The following HELLS variants were observed in gnomAD, a reference collection of about 807,000 sequenced individuals.
The protein encoded by HELLS is lymphoid-specific helicase.
In HELLS, 32 loss-of-function variants were observed where a neutral mutation model predicts 120.0. That is an observed-to-expected ratio of 0.27 (90% CI 0.20 to 0.36). HELLS has a LOEUF of 0.36. Among genes scored for constraint, HELLS ranks in the 10% least tolerant of loss-of-function variants. The probability of loss-of-function intolerance (pLI) is 1.00; values close to 1 mark genes in which losing one functional copy is unlikely to be tolerated. For missense variants in HELLS, 650 were observed against 993.4 expected (o/e 0.65, Z 4.65); for synonymous variants, 341 against 323.4 (o/e 1.05, Z -0.58).
chr10:94,612,007 A>T (rs1252330136), exon 10 of HELLS: 1 of 152,136 alleles, frequency 6.6e-6, no homozygotes, highest in Non-Finnish European at 1.5e-5. Flanking sequence ...TACATTGCAG[A>T]TTATCTTATG....
intron 21 of HELLS, among the ~76,000 whole-genome samples, chr10:94,600,760 T>A (rs1018715201): frequency 5.3e-5 from 8 of 152,200 alleles, no homozygotes; most frequent in African/African-American, 1.7e-4. Flanking sequence ...ATTTATGATT[T>A]TAGAATTAGA....
chr10:94,599,715 A>G (rs1845934725), intron 21 of HELLS, among the ~76,000 whole-genome samples: 1 of 152,218 alleles, frequency 6.6e-6, no homozygotes, highest in African/African-American at 2.4e-5. Context: ...TTAAAATAGA[A>G]TTTAAGAAGA....
In HELLS at chr10:94,602,019, C is replaced by G. The variant is rs1048196; in HGVS notation, c.*397C>G. 2 of 152,932 alleles carry G rather than the reference C, an allele frequency of 1.3e-5. No homozygotes were observed. The highest frequency in any genetic ancestry group is 2.4e-5 in the African/African-American group (1 of 41,340). The allele number at this position is 152,932 out of a possible 1,614,324, so 9.5% of individuals were successfully genotyped here. On this transcript the variant is annotated 3_prime_UTR_variant, in exon 22 of 22. Coordinates refer to ENST00000348459, the MANE Select transcript of HELLS (RefSeq NM_018063.5). ...CATGGGGAGAGATTGGGATTATGCT[C>G]TCTGTTGTTTAAGAAACTGTTTGAT...
At chr10:94,577,994 C>T (rs898652582) in intron 10 of HELLS, among the ~76,000 whole-genome samples, 1 of 141,206 alleles carries the variant, frequency 7.1e-6, no homozygotes, top group Non-Finnish European at 1.5e-5. Context: ...ACCCGGGAAG[C>T]GGAGCTTGCA....
rs748057339 is a variant in HELLS at position 94,554,143 on chromosome 10, T to C, written c.171T>C (p.Asp57=). 4.4e-6 allele frequency: 7 copies of C among 1,584,470 alleles called. No individual in the cohort carries two copies. The South Asian group carries it at 8.4e-5, about 19-fold the overall frequency. The part of the protein sequence containing the change: ...KMLEKARMSW[D]RESTEIRYRR... ...TTGGATAGGCTCGCATGTCTTGGGATAGAGAGTCGACAGAAATTCGGTACC... is the reference window on the plus strand; with the variant it reads ...TTGGATAGGCTCGCATGTCTTGGGACAGAGAGTCGACAGAAATTCGGTACC... The change falls in exon 3 of 22, where the codon GAT becomes GAC. Residue 57 remains aspartate (D), a synonymous_variant. Transcript: ENST00000348459.
chr10:94,554,339 G>T, intron 3 of HELLS, 91 bp downstream of exon 3: 1 of 915,800 alleles, frequency 1.1e-6, no homozygotes, highest in Admixed American at 3.2e-5. Flanking sequence ...AAAATGGACA[G>T]ATTTTAAGTG....
intron 2 of HELLS, among the ~76,000 whole-genome samples, chr10:94,549,189 C>A (rs1223640910): frequency 6.6e-6 from 1 of 152,200 alleles, no homozygotes; most frequent in Non-Finnish European, 1.5e-5. Flanking sequence ...TTTTCAGAGT[C>A]TCTACCTACT....
intron 2 of HELLS, among the ~76,000 whole-genome samples, 156 bp from the exon 3 acceptor site, chr10:94,553,970 A>G (rs1433723883): frequency 6.6e-6 from 1 of 151,624 alleles, no homozygotes; most frequent in Non-Finnish European, 1.5e-5. Context: ...AAACCCAAAA[A>G]CTATTTTTTT....
chr10:94,571,241 T>C lies in HELLS; in HGVS notation c.436-147T>C, dbSNP rs543412309. 997 of 617,660 alleles carry C rather than the reference T, an allele frequency of 1.6e-3. 17 individuals are homozygous for C. In the South Asian group the frequency reaches 0.019, roughly 12 times the overall value. 38.3% of individuals were successfully genotyped at this position (617,660 alleles called of 1,614,324 possible). A position where few individuals can be genotyped will look rare whatever the true frequency, so the allele number is the denominator to read the frequency against. On this transcript the variant is annotated intron_variant, in intron 6 of 21. Transcript: ENST00000348459. Reference sequence around the variant, plus strand: ...TTATGAGCCAGTAATGTCTATAGGCTTATTTCTGCCTGAAGGCTACTAGTT... The same window carrying C: ...TTATGAGCCAGTAATGTCTATAGGCCTATTTCTGCCTGAAGGCTACTAGTT...
At chr10:94,550,386 C>T (rs1361549617) in intron 2 of HELLS, among the ~76,000 whole-genome samples, 2 of 152,132 alleles carry the variant, frequency 1.3e-5, no homozygotes, top group African/African-American at 4.8e-5. Context: ...TTAAGCGATT[C>T]TTCTGCCTCA....
In HELLS at chr10:94,575,722, A is replaced by G. The variant is rs1232874324; in HGVS notation, c.889-940A>G. ...AGGTGTGAGCCACTGCGCCCAGCCT[A>G]TATGTGTTTTATGTATTTGTAGGTT... On this transcript the variant is annotated intron_variant, in intron 9 of 21. Transcript: ENST00000348459. 2.9e-5 allele frequency among the ~76,000 whole-genome samples: 4 copies of G among 136,898 alleles called. No homozygotes were observed. In the East Asian group the frequency reaches 1.0e-3, roughly 36 times the overall value. The allele number at this position is 136,898 out of a possible 152,430, so 89.8% of individuals were successfully genotyped here.
chr10:94,560,642 G>A (rs1363731928), intron 4 of HELLS, among the ~76,000 whole-genome samples: 1 of 151,880 alleles, frequency 6.6e-6, no homozygotes, highest in Non-Finnish European at 1.5e-5. Context: ...GGTTGCAGTG[G>A]GCCAAGATTG....
At chr10:94,609,840 C>A (rs1013902571) in intron 9 of HELLS, 2 of 152,118 alleles carry the variant, frequency 1.3e-5, no homozygotes, top group Admixed American at 6.5e-5. Context: ...TCATTGATTT[C>A]TCTTCGTACT....
intron 12 of HELLS, among the ~76,000 whole-genome samples, chr10:94,586,563 C>T (rs919484586): frequency 1.3e-5 from 2 of 152,022 alleles, no homozygotes; most frequent in East Asian, 3.8e-4. Context: ...TAGCTCTATA[C>T]CTGTTGGGTA....
rs377210055 is a variant in HELLS at position 94,590,410 on chromosome 10, T to C, written c.1489-3T>C. ...GAATTTCTTTTAATTCGTTCCCTTTTAGAAAGAAACAATTGAGTTAAGTCC... is the reference window on the plus strand; with the variant it reads ...GAATTTCTTTTAATTCGTTCCCTTTCAGAAAGAAACAATTGAGTTAAGTCC... On this transcript the variant is annotated splice_region_variant and splice_polypyrimidine_tract_variant and intron_variant, in intron 13 of 21. Coordinates refer to ENST00000348459, the MANE Select transcript of HELLS (RefSeq NM_018063.5). The C allele has an allele frequency of 2.6e-5, 42 of 1,595,792 alleles. No individual in the cohort carries two copies. Among genetic ancestry groups the C allele is most frequent in the Non-Finnish European group, 3.5e-5 (41 of 1,175,812 alleles).
At chr10:94,562,089 C>G (rs1178475177) in intron 4 of HELLS, among the ~76,000 whole-genome samples, 1 of 150,226 alleles carries the variant, frequency 6.7e-6, no homozygotes, top group African/African-American at 2.4e-5. Flanking sequence ...CCAAGATGTA[C>G]ATGGTATTTC....
chr10:94,596,988 G>T, intron 20 of HELLS, 32 bp downstream of exon 20: 1 of 1,464,656 alleles, frequency 6.8e-7, no homozygotes, highest in South Asian at 1.2e-5. Context: ...GATTTAATTT[G>T]TAGCTTTGAA....
At chr10:94,610,229 C>T (rs1383193294) in exon 10 of HELLS, 2 of 151,938 alleles carry the variant, frequency 1.3e-5, no homozygotes, top group South Asian at 4.2e-4. Context: ...ATGTTGGAAA[C>T]AAAGCAGTAA....
chr10:94,588,266 A>T lies in HELLS; in HGVS notation c.1364A>T (p.Asp455Val). ...TTCTTATTGAGAAGACTGAAGTCTGATGTTGCTCTTGAAGTTCCTCCTAAA... is the reference window on the plus strand; with the variant it reads ...TTCTTATTGAGAAGACTGAAGTCTGTTGTTGCTCTTGAAGTTCCTCCTAAA... ...TPFLLRRLKS[D>V]VALEVPPKRE... The change falls in exon 13 of 22, where the codon GAT (aspartate) becomes GTT (valine). Residue 455 changes from aspartate (D) to valine (V), a missense_variant. Asp to Val is a radical substitution (Grantham distance 152, BLOSUM62 -3). This residue lies in a region of HELLS where 48 missense variants were observed against 127.0 expected (regional missense o/e 0.38). Transcript: ENST00000348459. 1 of 1,608,612 alleles carries T rather than the reference A, an allele frequency of 6.2e-7. No homozygotes were observed. The highest frequency in any genetic ancestry group is 8.5e-7 in the Non-Finnish European group (1 of 1,176,616).
Sources: allele counts gnomAD v4.1 joint callset (sites outside exome capture counted in the v4.1 genomes callset), GRCh38; gene constraint gnomAD v4.1.1; regional missense constraint gnomAD v4.1.1; transcripts MANE v1.5; gene names NCBI Gene and HGNC (gene_info 2026-07-23, HGNC 2026-07-21).